RBFOX1: variants seen among roughly 807,000 people sequenced by gnomAD.
RBFOX1 encodes the protein RNA binding protein fox-1 homolog 1.
In RBFOX1, 8 loss-of-function variants were observed where a neutral mutation model predicts 57.7. The observed-to-expected ratio is 0.14, with a 90% CI of 0.08 to 0.25. The LOEUF (loss-of-function observed/expected upper bound fraction) is 0.25. Among genes scored for constraint, RBFOX1 ranks in the 10% least tolerant of loss-of-function variants. RBFOX1 has a pLI of 1.00. For synonymous variants in RBFOX1, 326 were observed against 222.4 expected (o/e 1.47, Z -4.15); for missense variants, 611 against 548.5 (o/e 1.11, Z -1.14).
intron 1 of RBFOX1, among the ~76,000 whole-genome samples, chr16:5,426,254 C>T (rs1488980940): frequency 6.6e-6 from 1 of 152,148 alleles, no homozygotes; most frequent in Non-Finnish European, 1.5e-5. Context: ...AAGGAGCTGG[C>T]AGAGACCCAC....
chr16:6,937,419 C>G (rs771758314), intron 3 of RBFOX1, among the ~76,000 whole-genome samples: 1 of 151,842 alleles, frequency 6.6e-6, no homozygotes, highest in Non-Finnish European at 1.5e-5. Flanking sequence ...TTATAGTTTT[C>G]TATGTGTTGG....
chr16:7,209,308 G>A (rs370452871), intron 4 of RBFOX1, among the ~76,000 whole-genome samples: 9 of 152,100 alleles, frequency 5.9e-5, no homozygotes, highest in South Asian at 4.1e-4. Flanking sequence ...GCATTCCAGC[G>A]TAGGCGACAA....
intron 2 of RBFOX1, among the ~76,000 whole-genome samples, chr16:6,395,190 T>C (rs1436166826): frequency 3.9e-5 from 6 of 152,192 alleles, no homozygotes; most frequent in Admixed American, 1.3e-4. Context: ...TACAGAAGAA[T>C]TGGAATGAAG....
chr16:5,839,371 A>C (rs2056555219), intron 3 of RBFOX1, among the ~76,000 whole-genome samples: 1 of 152,072 alleles, frequency 6.6e-6, no homozygotes, highest in South Asian at 2.1e-4. Context: ...TTTTTGCCAA[A>C]AGCCCTTTTC....
At chr16:7,079,321 A>G (rs2058798951) in intron 4 of RBFOX1, among the ~76,000 whole-genome samples, 1 of 152,126 alleles carries the variant, frequency 6.6e-6, no homozygotes, top group Admixed American at 6.5e-5. Flanking sequence ...TTAAGAGGAG[A>G]CCAGTGCATG....
intron 1 of RBFOX1, among the ~76,000 whole-genome samples, chr16:5,265,663 TA>T (rs1259157285): frequency 6.6e-6 from 1 of 152,198 alleles, no homozygotes; most frequent in African/African-American, 2.4e-5. Flanking sequence ...TATTCTTGAG[TA>T]AAGCAAAAAT....
At chr16:7,484,420 A>T (rs997615239) in intron 4 of RBFOX1, among the ~76,000 whole-genome samples, 1 of 152,162 alleles carries the variant, frequency 6.6e-6, no homozygotes, top group Non-Finnish European at 1.5e-5. Flanking sequence ...TTGTTATCCA[A>T]AGTGGCTGTG....
intron 3 of RBFOX1, among the ~76,000 whole-genome samples, chr16:5,742,452 G>A (rs1242286158): frequency 6.6e-6 from 1 of 152,070 alleles, no homozygotes; most frequent in Non-Finnish European, 1.5e-5. Context: ...AAATGTAAAA[G>A]TGGGGCTGCT....
chr16:7,121,968 C>T (rs758255716), intron 4 of RBFOX1, among the ~76,000 whole-genome samples: 25 of 151,968 alleles, frequency 1.6e-4, no homozygotes, highest in Non-Finnish European at 3.4e-4. Flanking sequence ...ATTGCAAACA[C>T]ATTTGCCAAA....
At chr16:6,159,639 A>G (rs2096863411) in intron 1 of RBFOX1, among the ~76,000 whole-genome samples, 1 of 152,138 alleles carries the variant, frequency 6.6e-6, no homozygotes. Context: ...TGACCTTCCC[A>G]CGTCTCAGAC....
chr16:7,177,667 C>T (rs943709865), intron 4 of RBFOX1, among the ~76,000 whole-genome samples: 1 of 152,064 alleles, frequency 6.6e-6, no homozygotes, highest in Non-Finnish European at 1.5e-5. Context: ...GGAGGTAGGG[C>T]ACTTCCACAA....
At chr16:7,486,407 G>A (rs2065406244) in intron 4 of RBFOX1, among the ~76,000 whole-genome samples, 1 of 151,990 alleles carries the variant, frequency 6.6e-6, no homozygotes, top group Admixed American at 6.6e-5. Context: ...AAAGTGCTGG[G>A]ATTATAGGTG....
At chr16:5,274,055 C>A (rs75673553) in intron 1 of RBFOX1, among the ~76,000 whole-genome samples, 3 of 152,202 alleles carry the variant, frequency 2.0e-5, no homozygotes, top group Non-Finnish European at 2.9e-5. Context: ...TGCTAACAGA[C>A]AAGACTGCAG....
At chr16:7,551,123 T>G (rs972217968) in intron 5 of RBFOX1, among the ~76,000 whole-genome samples, 1 of 151,108 alleles carries the variant, frequency 6.6e-6, no homozygotes, top group Non-Finnish European at 1.5e-5. Flanking sequence ...AAAGAATATT[T>G]ACAGGACTTC....
At chr16:6,443,496 G>T (rs1263794504) in intron 2 of RBFOX1, among the ~76,000 whole-genome samples, 1 of 152,044 alleles carries the variant, frequency 6.6e-6, no homozygotes, top group Non-Finnish European at 1.5e-5. Context: ...AGTACACAAG[G>T]ACCTTCCTGA....
At chr16:6,739,986 A>C (rs2071566445) in intron 3 of RBFOX1, among the ~76,000 whole-genome samples, 1 of 152,188 alleles carries the variant, frequency 6.6e-6, no homozygotes, top group Admixed American at 6.5e-5. Context: ...ACTGCAAATC[A>C]ATATCCCTGA....
chr16:5,996,903 CA>C (rs2060499856), intron 4 of RBFOX1, among the ~76,000 whole-genome samples: 1 of 152,114 alleles, frequency 6.6e-6, no homozygotes, highest in Admixed American at 6.5e-5. Flanking sequence ...AAAGTAAGAG[CA>C]AAAACCACAG....
At chr16:5,498,380 G>A (rs552127722) in intron 2 of RBFOX1, among the ~76,000 whole-genome samples, 1 of 152,278 alleles carries the variant, frequency 6.6e-6, no homozygotes, top group Non-Finnish European at 1.5e-5. Context: ...CTGAACTCAA[G>A]TTATCTACAT....
At chr16:5,952,557 G>C (rs1257064543) in intron 4 of RBFOX1, among the ~76,000 whole-genome samples, 1 of 152,186 alleles carries the variant, frequency 6.6e-6, no homozygotes, top group African/African-American at 2.4e-5. Flanking sequence ...AAAGTGCTAA[G>C]ATTACAGGCA....
Sources: gnomAD v4.1 joint callset for allele counts (sites outside exome capture counted in the v4.1 genomes callset) on GRCh38, gnomAD v4.1.1 for gene constraint, MANE v1.5 for transcripts, NCBI Gene and HGNC (gene_info 2026-07-23, HGNC 2026-07-21) for gene names.